Variants in HIF3A observed in about 807,000 individuals in gnomAD.
HIF3A encodes hypoxia inducible factor 3 subunit alpha, also known as hypoxia-inducible factor 3-alpha.
Under a neutral mutation model 67.2 loss-of-function variants are expected in HIF3A, and 41 were observed. The observed-to-expected ratio is 0.61, with a 90% CI of 0.48 to 0.79. HIF3A has a LOEUF of 0.79. Among genes scored for constraint, HIF3A ranks in the 30% least tolerant of loss-of-function variants. HIF3A has a pLI of 0.00. For synonymous variants in HIF3A, 356 were observed against 374.8 expected (o/e 0.95, Z 0.58); for missense variants, 855 against 898.0 (o/e 0.95, Z 0.61).
At chr19:46,310,767 T>C (rs571408720) in intron 6 of HIF3A, 11 of 335,150 alleles carry the variant, frequency 3.3e-5, no homozygotes, top group Non-Finnish European at 4.9e-5. Flanking sequence ...GTTGTTGTTG[T>C]TGAGGTGGAG....
intron 13 of HIF3A, among the ~76,000 whole-genome samples, chr19:46,334,584 G>A (rs1306928582): frequency 6.6e-6 from 1 of 152,006 alleles, no homozygotes; most frequent in African/African-American, 2.4e-5. Flanking sequence ...TAGGATCTCT[G>A]TCACCCAGAC....
At chr19:46,312,712 GGTGTGTGTGT>G (rs112839120) in intron 8 of HIF3A, 59 bp downstream of exon 8, 33 of 1,433,654 alleles carry the variant, frequency 2.3e-5, no homozygotes, top group Middle Eastern at 2.5e-4. Flanking sequence ...TGTGTGGACA[GGTGTGTGTGT>G]GTGTGTGTGT....
At chr19:46,308,605 G>A (rs1216461310) in intron 4 of HIF3A, 58 bp from the exon 5 acceptor site, 3 of 1,034,150 alleles carry the variant, frequency 2.9e-6, no homozygotes, top group South Asian at 1.5e-5. Context: ...GGTGCCGGAG[G>A]GCACTGGGCC....
At chr19:46,313,593 G>A (rs777508322) in intron 8 of HIF3A, among the ~76,000 whole-genome samples, 1 of 149,736 alleles carries the variant, frequency 6.7e-6, no homozygotes, top group Non-Finnish European at 1.5e-5. Flanking sequence ...GCATGCAGTT[G>A]TGTAACCACT....
intron 3 of HIF3A, among the ~76,000 whole-genome samples, chr19:46,307,087 C>T (rs1968920260): frequency 7.3e-6 from 1 of 136,270 alleles, no homozygotes; most frequent in Admixed American, 7.4e-5. Context: ...ACCTCACTTG[C>T]TTTGTTCAGC....
Position 46,331,295 on chromosome 19 carries a change from A to G in HIF3A, c.1830+22A>G, listed in dbSNP as rs747094318. The G allele has an allele frequency of 1.1e-5, 18 of 1,579,638 alleles. No individual in the cohort carries two copies. The East Asian group carries it at 4.0e-4, about 35-fold the overall frequency. ...CCTGGTGTGTTGGGGGATTAATGGG[A>G]TTCTCTGGCCCTCATTACCTAGCTG... On this transcript the variant is annotated intron_variant, in intron 13 of 14. Coordinates refer to ENST00000377670, the MANE Select transcript of HIF3A (RefSeq NM_152795.4).
intron 5 of HIF3A, 27 bp from the exon 6 acceptor site, chr19:46,309,124 G>A: frequency 6.3e-7 from 1 of 1,598,984 alleles, no homozygotes; most frequent in Non-Finnish European, 8.6e-7. Flanking sequence ...AGGCACCACT[G>A]CCTTGTCCCC....
At chr19:46,336,157 G>A (rs914320917) in intron 14 of HIF3A, among the ~76,000 whole-genome samples, 3 of 129,202 alleles carry the variant, frequency 2.3e-5, no homozygotes, top group Admixed American at 1.8e-4. Context: ...GCAGCCGTGC[G>A]ATCTTGGCTC....
Position 46,308,364 on chromosome 19 carries a change from C to T in HIF3A, c.448+59C>T, listed in dbSNP as rs1280885686. 8 of 1,037,756 alleles carry T rather than the reference C, an allele frequency of 7.7e-6. No individual in the cohort carries two copies. In the Admixed American group the frequency reaches 8.1e-5, roughly 10 times the overall value. 64.3% of individuals were successfully genotyped at this position (1,037,756 alleles called of 1,614,324 possible). ...CAGAGGAGGAAGCTGAGGCTCCACC[C>T]CTCCCTCAGCATATCCCCACCTCCT... On this transcript the variant is annotated intron_variant, in intron 4 of 14. Coordinates refer to ENST00000377670, the MANE Select transcript of HIF3A (RefSeq NM_152795.4).
chr19:46,311,898 G>A (rs1299938941), intron 6 of HIF3A, among the ~76,000 whole-genome samples: 1 of 152,040 alleles, frequency 6.6e-6, no homozygotes, highest in Non-Finnish European at 1.5e-5. Flanking sequence ...AACTTCTAAT[G>A]TCATCATATC....
At position 46,303,888 on chromosome 19, in the gene HIF3A, A is replaced by AT; in HGVS notation, c.27-9dup. On this transcript the variant is annotated splice_polypyrimidine_tract_variant and intron_variant, in intron 1 of 14. Transcript: ENST00000377670. ...GAGTCACCACCAGTGAATGCTGCCCATGCCCTCAGGTCGACCACGGAGCTG... is the reference window on the plus strand; with the variant it reads ...GAGTCACCACCAGTGAATGCTGCCCATTGCCCTCAGGTCGACCACGGAGCTG... 5.6e-6 allele frequency: 9 copies of AT among 1,606,032 alleles called. No individual in the cohort carries two copies. Among genetic ancestry groups the AT allele is most frequent in the Non-Finnish European group, 7.6e-6 (9 of 1,176,780 alleles).
rs1006839046 is a variant in HIF3A, at chr19:46,343,277, G to C, written c.*3655G>C. On this transcript the variant is annotated 3_prime_UTR_variant, in exon 15 of 15. Coordinates refer to ENST00000377670, the MANE Select transcript of HIF3A (RefSeq NM_152795.4). ...CTATCCAGATTGGTGCTATGGGGGG[G>C]TCTGACCCCTCCCTCCTCCCTCTGG... 4 of 152,754 alleles carry C rather than the reference G, an allele frequency of 2.6e-5. No homozygotes were observed. Among genetic ancestry groups the C allele is most frequent in the African/African-American group, 9.6e-5 (4 of 41,452 alleles). The allele number at this position is 152,754 out of a possible 1,614,324, so 9.5% of individuals were successfully genotyped here.
In HIF3A at chr19:46,329,328, G is replaced by T; in HGVS notation, c.1562G>T (p.Arg521Leu). 1 of 1,613,220 alleles carries T rather than the reference G, an allele frequency of 6.2e-7. No homozygotes were observed. ...CACAGACCTCTGGGGGCTGTCCCCC[G>T]GCCCCGTGCTCGGAGCTTCCATGGC... ...AYHRPLGAVP[R>L]PRARSFHGLS... Residue 521 changes from arginine to leucine, a missense_variant, in exon 12 of 15, where the codon CGG (arginine) becomes CTG (leucine). This residue lies in a region of HIF3A where 199 missense variants were observed against 193.8 expected (regional missense o/e 1.03). Transcript: ENST00000377670.
At position 46,303,901 on chromosome 19, in the gene HIF3A, G is replaced by A. The variant is rs201468772; in HGVS notation, c.30G>A (p.Ser10=). MALGLQRAR[S]TTELRKEKSR... ...TGAATGCTGCCCATGCCCTCAGGTCGACCACGGAGCTGCGCAAGGAAAAGT... is the reference window on the plus strand; with the variant it reads ...TGAATGCTGCCCATGCCCTCAGGTCAACCACGGAGCTGCGCAAGGAAAAGT... Residue 10 remains serine (S), a synonymous_variant, in exon 2 of 15, where the codon TCG becomes TCA. Coordinates refer to ENST00000377670, the MANE Select transcript of HIF3A (RefSeq NM_152795.4). 56 of 1,607,884 alleles carry A rather than the reference G, an allele frequency of 3.5e-5. No homozygotes were observed. In the African/African-American group the frequency reaches 4.5e-4, roughly 13 times the overall value.
At chr19:46,303,548 G>A in intron 1 of HIF3A, 1 of 1,428,714 alleles carries the variant, frequency 7.0e-7, no homozygotes, top group Non-Finnish European at 9.4e-7. Context: ...CCCCCTCCCA[G>A]CAGGGGCCCT....
At chr19:46,333,699 T>TACTGC (rs1971397955) in intron 13 of HIF3A, among the ~76,000 whole-genome samples, 1 of 152,016 alleles carries the variant, frequency 6.6e-6, no homozygotes, top group Non-Finnish European at 1.5e-5. Flanking sequence ...ATCCCTTAAC[T>TACTGC]ACTGCACCAT....
chr19:46,317,674 C>T lies in HIF3A; in HGVS notation c.1026-2769C>T, dbSNP rs546152393. ...CATGAGCTCAGGTGTCCCCCATGCC[C>T]ATTTTCTCTCCTGGTGTCCTGTACT... On this transcript the variant is annotated intron_variant, in intron 8 of 14. Coordinates refer to ENST00000377670, the MANE Select transcript of HIF3A (RefSeq NM_152795.4). 3.3e-5 allele frequency among the ~76,000 whole-genome samples: 5 copies of T among 152,204 alleles called. 1 individual carries two copies. The highest frequency in any genetic ancestry group is 4.1e-4 in the South Asian group (2 of 4,822).
At chr19:46,307,141 T>A (rs118128929) in intron 3 of HIF3A, among the ~76,000 whole-genome samples, 1,995 of 152,358 alleles carry the variant, frequency 0.013, 31 homozygotes, top group Non-Finnish European at 0.021. Flanking sequence ...TCTAGACCAC[T>A]CTGTCTAAAG....
chr19:46,340,639 T>A lies in HIF3A; in HGVS notation c.*1017T>A, dbSNP rs928249699. On this transcript the variant is annotated 3_prime_UTR_variant, in exon 15 of 15. Transcript: ENST00000377670. ...CCTCAACTTCCCAAATAGCCGGGAC[T>A]ACGGGCATGTGCCACATTGCCCGGC... The A allele has an allele frequency of 6.6e-6, 1 of 152,326 alleles. No homozygotes were observed. Among genetic ancestry groups the A allele is most frequent in the African/African-American group, 2.4e-5 (1 of 41,462 alleles). 9.4% of individuals were successfully genotyped at this position (152,326 alleles called of 1,614,324 possible).
Sources: gnomAD v4.1 joint callset for allele counts (sites outside exome capture counted in the v4.1 genomes callset) on GRCh38, gnomAD v4.1.1 for gene constraint, gnomAD v4.1.1 regional missense constraint, MANE v1.5 for transcripts, NCBI Gene and HGNC (gene_info 2026-07-23, HGNC 2026-07-21) for gene names.